The following RCAN1 variants were observed in gnomAD, a reference collection of about 807,000 sequenced individuals.
RCAN1 encodes the protein regulator of calcineurin 1.
RCAN1 carries 11 observed loss-of-function variants against 22.9 expected under a neutral mutation model. That is an observed-to-expected ratio of 0.48 (90% confidence interval 0.30 to 0.79). The LOEUF (loss-of-function observed/expected upper bound fraction) is 0.79. Among genes scored for constraint, RCAN1 ranks in the 30% least tolerant of loss-of-function variants. The probability of loss-of-function intolerance (pLI) is 0.06; values close to 1 mark genes in which losing one functional copy is unlikely to be tolerated. For synonymous variants in RCAN1, 136 were observed against 142.3 expected, an observed-to-expected ratio of 0.96 and a Z score of 0.32; for missense variants, 291 against 337.8, an observed-to-expected ratio of 0.86 and a Z score of 1.09.
At chr21:34,575,193 T>C (rs557231309) in intron 1 of RCAN1, among the ~76,000 whole-genome samples, 3 of 152,356 alleles carry the variant, frequency 2.0e-5, no homozygotes, top group East Asian at 3.9e-4. Flanking sequence ...TCTGCACAGC[T>C]ACCTGGCCTT....
intron 1 of RCAN1, among the ~76,000 whole-genome samples, chr21:34,579,105 G>A (rs1987515685): frequency 2.0e-5 from 3 of 152,134 alleles, no homozygotes; most frequent in South Asian, 2.1e-4. Context: ...TTAAAAATGC[G>A]ATGTTATGGC....
Position 34,595,762 on chromosome 21 carries a change from C to T in RCAN1, c.252+18998G>A, listed in dbSNP as rs374891098. On this transcript the variant is annotated intron_variant, in intron 1 of 3. Transcript: ENST00000313806. Reference sequence around the variant, plus strand: ...ACTGCTCCCAACACCCACTCACACGCTGCCTGGATGGCTCTGATGGGGGCC... The same window carrying T: ...ACTGCTCCCAACACCCACTCACACGTTGCCTGGATGGCTCTGATGGGGGCC... 9.8e-5 allele frequency among the ~76,000 whole-genome samples: 15 copies of T among 152,372 alleles called. No individual in the cohort carries two copies. In the South Asian group the frequency reaches 2.9e-3, roughly 29 times the overall value.
chr21:34,613,328 C>CA (rs2123741833), intron 1 of RCAN1, among the ~76,000 whole-genome samples: 2 of 152,272 alleles, frequency 1.3e-5, no homozygotes, highest in South Asian at 4.1e-4. Flanking sequence ...GTTTCCCTTC[C>CA]AAAAAATGTC....
intron 1 of RCAN1, among the ~76,000 whole-genome samples, chr21:34,597,324 TCCA>T (rs1246202921): frequency 6.6e-6 from 1 of 152,228 alleles, no homozygotes; most frequent in Non-Finnish European, 1.5e-5. Context: ...CTCAGTCATG[TCCA>T]CCACATTTCA....
intron 1 of RCAN1, among the ~76,000 whole-genome samples, chr21:34,597,082 G>A (rs543636671): frequency 1.3e-5 from 2 of 152,184 alleles, no homozygotes; most frequent in East Asian, 3.9e-4. Flanking sequence ...CAGCATCTCT[G>A]GGCACAATGA....
At chr21:34,521,254 G>T (rs563837988) in intron 3 of RCAN1, 6 of 1,435,974 alleles carry the variant, frequency 4.2e-6, no homozygotes, top group South Asian at 2.9e-5. Flanking sequence ...GACACTGCGG[G>T]GGGTGGAGGG....
intron 1 of RCAN1, among the ~76,000 whole-genome samples, chr21:34,528,244 G>A (rs73207089): frequency 0.026 from 3,961 of 152,262 alleles, 77 homozygotes; most frequent in Non-Finnish European, 0.037. Context: ...CATGCAAGAG[G>A]AAGAAACAAA....
chr21:34,562,917 T>C (rs532960820), intron 1 of RCAN1, among the ~76,000 whole-genome samples: 3 of 152,356 alleles, frequency 2.0e-5, no homozygotes, highest in East Asian at 1.9e-4. Context: ...GGCAACCTGC[T>C]GCCACCAGCA....
intron 1 of RCAN1, among the ~76,000 whole-genome samples, chr21:34,530,191 G>A (rs1174608982): frequency 1.3e-5 from 2 of 152,206 alleles, no homozygotes; most frequent in East Asian, 1.9e-4. Flanking sequence ...GTAAATGAAT[G>A]TTTTAGTCAA....
intron 1 of RCAN1, among the ~76,000 whole-genome samples, chr21:34,603,546 C>T (rs974437916): frequency 2.0e-5 from 3 of 152,168 alleles, no homozygotes; most frequent in Admixed American, 1.3e-4. Flanking sequence ...GAGGAAATTT[C>T]GTCACCCTTC....
intron 1 of RCAN1, among the ~76,000 whole-genome samples, chr21:34,533,045 C>T (rs1358141840): frequency 6.6e-6 from 1 of 151,398 alleles, no homozygotes; most frequent in African/African-American, 2.4e-5. Context: ...ACTGCAAGCT[C>T]CGCCTCCCGG....
At chr21:34,605,941 G>T (rs1988512328) in intron 1 of RCAN1, among the ~76,000 whole-genome samples, 1 of 147,804 alleles carries the variant, frequency 6.8e-6, no homozygotes, top group Non-Finnish European at 1.5e-5. Flanking sequence ...AAAAAAAAAA[G>T]ATGATGAGCA....
intron 1 of RCAN1, among the ~76,000 whole-genome samples, chr21:34,607,167 C>T (rs974061935): frequency 6.6e-6 from 1 of 152,102 alleles, no homozygotes; most frequent in African/African-American, 2.4e-5. Context: ...TTTAGCTTCC[C>T]GAGTTCTTTG....
intron 1 of RCAN1, among the ~76,000 whole-genome samples, chr21:34,582,766 G>C (rs1987659998): frequency 6.6e-6 from 1 of 152,184 alleles, no homozygotes; most frequent in Non-Finnish European, 1.5e-5. Context: ...GAGCTCCAGA[G>C]TGACAAGAGG....
chr21:34,567,835 CCACGAGGCT>C (rs1290020188), intron 1 of RCAN1, among the ~76,000 whole-genome samples: 2 of 152,188 alleles, frequency 1.3e-5, no homozygotes, highest in Non-Finnish European at 2.9e-5. Flanking sequence ...GGGGTTGGAG[CCACGAGGCT>C]TGCTTTTGCC....
rs1397916735 is a variant in RCAN1 at position 34,518,365 on chromosome 21, C to T, written c.587-109G>A. 1.2e-5 allele frequency: 14 copies of T among 1,176,222 alleles called. No individual in the cohort carries two copies. The South Asian group carries it at 1.4e-4, about 11-fold the overall frequency. 72.9% of individuals were successfully genotyped at this position (1,176,222 alleles called of 1,614,324 possible). ...GCTGGGCCAGCTGCTCGTGACCATTCGATTGGGCTGAGAGACACAGCCAGA... is the reference window on the plus strand; with the variant it reads ...GCTGGGCCAGCTGCTCGTGACCATTTGATTGGGCTGAGAGACACAGCCAGA... On this transcript the variant is annotated intron_variant, in intron 3 of 3. Transcript: ENST00000313806. This position sits in a 1 kb window ranked among gnomAD's most constrained non-coding sequence, Gnocchi z 4.2.
At chr21:34,576,609 T>G (rs1490512972) in intron 1 of RCAN1, among the ~76,000 whole-genome samples, 1 of 152,142 alleles carries the variant, frequency 6.6e-6, no homozygotes, top group Non-Finnish European at 1.5e-5. Flanking sequence ...TTAGAAGAAA[T>G]AAGTCACAGG....
At chr21:34,538,176 A>G (rs1472657722) in intron 1 of RCAN1, among the ~76,000 whole-genome samples, 1 of 152,242 alleles carries the variant, frequency 6.6e-6, no homozygotes, top group Non-Finnish European at 1.5e-5. Context: ...AAGACACAGA[A>G]AAACAATTTG....
intron 1 of RCAN1, among the ~76,000 whole-genome samples, chr21:34,547,217 G>A (rs1986184545): frequency 6.6e-6 from 1 of 152,184 alleles, no homozygotes; most frequent in Non-Finnish European, 1.5e-5. Flanking sequence ...AGCGGGGACT[G>A]TCCCACATGC....
Sources: gnomAD v4.1 joint callset for allele counts (sites outside exome capture counted in the v4.1 genomes callset) on GRCh38, gnomAD v4.1.1 for gene constraint, Gnocchi (gnomAD v3.1) non-coding constraint, MANE v1.5 for transcripts, NCBI Gene and HGNC (gene_info 2026-07-23, HGNC 2026-07-21) for gene names.